Variants in CSMD1 observed in about 807,000 individuals in gnomAD.
The protein encoded by CSMD1 is CUB and sushi domain-containing protein 1.
In CSMD1, 213 loss-of-function variants were observed where a neutral mutation model predicts 417.5. The ratio of observed to expected loss-of-function variants is 0.51; its 90% CI spans 0.46 to 0.57. CSMD1 has a LOEUF of 0.57. Ranked by LOEUF, CSMD1 falls within the 20% of genes least tolerant of loss-of-function variation. CSMD1 has a pLI of 0.00. For synonymous variants in CSMD1, 2,862 were observed against 1,736.8 expected (o/e 1.65, Z -16.11); for missense variants, 6,923 against 4,529.7 (o/e 1.53, Z -15.17).
At chr8:3,839,793 G>C (rs958171229) in intron 5 of CSMD1, among the ~76,000 whole-genome samples, 10 of 151,676 alleles carry the variant, frequency 6.6e-5, no homozygotes, top group Non-Finnish European at 1.5e-4. Context: ...TCCCAGAGAA[G>C]CTGGTGGCCA....
intron 40 of CSMD1, among the ~76,000 whole-genome samples, chr8:3,144,144 C>T (rs76111228): frequency 0.027 from 4,181 of 152,224 alleles, 193 homozygotes; most frequent in African/African-American, 0.095. Flanking sequence ...TAATCATCAC[C>T]GTGCTCATAA....
chr8:3,828,462 A>C (rs1027304082), intron 5 of CSMD1, among the ~76,000 whole-genome samples: 4 of 152,192 alleles, frequency 2.6e-5, no homozygotes, highest in Admixed American at 1.3e-4. Context: ...ATAAAAACCC[A>C]TGTGAATACA....
intron 5 of CSMD1, among the ~76,000 whole-genome samples, chr8:3,991,760 T>C (rs1006009731): frequency 5.3e-5 from 8 of 152,192 alleles, no homozygotes; most frequent in Admixed American, 2.0e-4. Context: ...GTCTCAACTT[T>C]TTTAAAAGGA....
intron 2 of CSMD1, among the ~76,000 whole-genome samples, chr8:4,434,357 C>G (rs889665727): frequency 1.3e-5 from 2 of 152,166 alleles, no homozygotes; most frequent in African/African-American, 4.8e-5. Context: ...CAGCATGAGA[C>G]TGTCTCTAAC....
intron 2 of CSMD1, among the ~76,000 whole-genome samples, chr8:4,624,448 A>C (rs17070864): frequency 0.18 from 27,510 of 152,126 alleles, 2,928 homozygotes; most frequent in East Asian, 0.33. Flanking sequence ...AGCATATGGC[A>C]CTGACAAGGC....
intron 28 of CSMD1, among the ~76,000 whole-genome samples, chr8:3,223,365 G>C (rs542601266): frequency 2.0e-5 from 3 of 152,248 alleles, no homozygotes; most frequent in East Asian, 1.9e-4. Flanking sequence ...GCTGTGGAAA[G>C]GAATTCACTA....
intron 12 of CSMD1, among the ~76,000 whole-genome samples, chr8:3,453,242 T>C (rs1448146012): frequency 6.6e-6 from 1 of 152,134 alleles, no homozygotes; most frequent in Non-Finnish European, 1.5e-5. Context: ...CTATCAATTT[T>C]GTTGATCTTT....
At chr8:3,426,528 C>T (rs1484580790) in intron 12 of CSMD1, among the ~76,000 whole-genome samples, 2 of 152,172 alleles carry the variant, frequency 1.3e-5, no homozygotes, top group Non-Finnish European at 2.9e-5. Flanking sequence ...CCTTCAATGT[C>T]ATCTTAAGTG....
intron 1 of CSMD1, among the ~76,000 whole-genome samples, chr8:4,719,622 G>C (rs1808921098): frequency 1.4e-5 from 2 of 148,140 alleles, no homozygotes; most frequent in African/African-American, 5.0e-5. Flanking sequence ...ATAAAAACTT[G>C]AATCCTTTTC....
chr8:3,129,240 C>T (rs1055070909), intron 41 of CSMD1, among the ~76,000 whole-genome samples: 14 of 152,248 alleles, frequency 9.2e-5, no homozygotes, highest in Middle Eastern at 3.4e-3. Context: ...TCATAAATTA[C>T]ATAACATGGA....
At chr8:3,754,259 C>T (rs1273168926) in intron 5 of CSMD1, among the ~76,000 whole-genome samples, 3 of 152,154 alleles carry the variant, frequency 2.0e-5, no homozygotes, top group African/African-American at 7.2e-5. Context: ...TGAATGTTTT[C>T]AAAAATATTT....
At chr8:3,721,659 T>G (rs1458258216) in intron 6 of CSMD1, among the ~76,000 whole-genome samples, 1 of 152,218 alleles carries the variant, frequency 6.6e-6, no homozygotes, top group Non-Finnish European at 1.5e-5. Context: ...GCTGTTTTCC[T>G]CCTCATGGTT....
At chr8:3,806,158 C>A (rs535711625) in intron 5 of CSMD1, among the ~76,000 whole-genome samples, 1 of 152,226 alleles carries the variant, frequency 6.6e-6, no homozygotes, top group East Asian at 1.9e-4. Context: ...CCTGACACAA[C>A]CCATCATATA....
Position 4,590,584 on chromosome 8 carries a change from A to C in CSMD1, c.302+46758T>G, listed in dbSNP as rs182541142. Among the ~76,000 whole-genome samples the C allele has an allele frequency of 3.3e-3, 506 of 152,226 alleles. 5 individuals carry two copies. The highest frequency in any genetic ancestry group is 0.012 in the African/African-American group (482 of 41,576). ...TTTAAAAATAAAAATATAAATTAGAAATATACTATTTAAAATAAAAATGTA... is the reference window on the plus strand; with the variant it reads ...TTTAAAAATAAAAATATAAATTAGACATATACTATTTAAAATAAAAATGTA... On this transcript the variant is annotated intron_variant, in intron 2 of 69. Transcript: ENST00000635120.
chr8:4,242,914 T>C (rs1374252690), intron 3 of CSMD1, among the ~76,000 whole-genome samples: 7 of 152,236 alleles, frequency 4.6e-5, no homozygotes, highest in Non-Finnish European at 1.0e-4. Context: ...TAAAACTTTT[T>C]CTGACCCAGA....
chr8:4,367,121 G>A (rs563832884), intron 3 of CSMD1, among the ~76,000 whole-genome samples: 3 of 152,118 alleles, frequency 2.0e-5, no homozygotes, highest in South Asian at 2.1e-4. Flanking sequence ...TGTTTACCAA[G>A]GCCAATGTTC....
At chr8:4,340,148 C>G (rs1380725929) in intron 3 of CSMD1, among the ~76,000 whole-genome samples, 1 of 152,108 alleles carries the variant, frequency 6.6e-6, no homozygotes, top group African/African-American at 2.4e-5. Context: ...TCTCATTTAA[C>G]ATGTTCTATT....
intron 5 of CSMD1, among the ~76,000 whole-genome samples, chr8:3,828,826 T>C (rs556916824): frequency 6.6e-6 from 1 of 152,206 alleles, no homozygotes; most frequent in African/African-American, 2.4e-5. Context: ...TGCCTCACTC[T>C]TGATTGCAAA....
At chr8:3,211,667 C>A (rs773152840) in intron 30 of CSMD1, among the ~76,000 whole-genome samples, 2 of 152,182 alleles carry the variant, frequency 1.3e-5, no homozygotes, top group African/African-American at 2.4e-5. Flanking sequence ...GTGACACAGA[C>A]GGGAGGAGGT....
Sources: allele counts gnomAD v4.1 joint callset (sites outside exome capture counted in the v4.1 genomes callset), GRCh38; gene constraint gnomAD v4.1.1; transcripts MANE v1.5; gene names NCBI Gene and HGNC (gene_info 2026-07-23, HGNC 2026-07-21).